Variants in ADAMTSL1 observed in about 807,000 individuals in gnomAD.
ADAMTSL1 encodes the protein ADAMTS like 1.
ADAMTSL1 carries 126 observed loss-of-function variants against 201.8 expected under a neutral mutation model. The observed-to-expected ratio is 0.62, with a 90% CI of 0.54 to 0.72. The LOEUF (loss-of-function observed/expected upper bound fraction) is 0.72. Ranked by LOEUF, ADAMTSL1 falls within the 30% of genes least tolerant of loss-of-function variation. The pLI, the probability that ADAMTSL1 is intolerant of heterozygous loss-of-function variation, is 0.00. For synonymous variants in ADAMTSL1, 1,121 were observed against 903.4 expected, an observed-to-expected ratio of 1.24 and a Z score of -4.32; for missense variants, 2,679 against 2,277.8, an observed-to-expected ratio of 1.18 and a Z score of -3.59.
At chr9:18,141,567 C>T (rs977391455) in intron 1 of ADAMTSL1, among the ~76,000 whole-genome samples, 2 of 152,186 alleles carry the variant, frequency 1.3e-5, no homozygotes, top group African/African-American at 4.8e-5. Context: ...GTCTAGCACC[C>T]TACCTGCACA....
In ADAMTSL1 at chr9:18,474,154, G is replaced by A; in HGVS notation, c.-79G>A. 2.3e-6 allele frequency: 3 copies of A among 1,305,104 alleles called. No homozygotes were observed. Among genetic ancestry groups the A allele is most frequent in the Non-Finnish European group, 3.3e-6 (3 of 915,546 alleles). The allele number at this position is 1,305,104 out of a possible 1,614,324, so 80.8% of individuals were successfully genotyped here. ...AGGCAGGACTGGAGTGTTAGCACCA[G>A]TACTGGATGTGACAGCAGGCAGAGG... On this transcript the variant is annotated 5_prime_UTR_variant, in exon 1 of 29. Coordinates refer to ENST00000380548, the MANE Select transcript of ADAMTSL1 (RefSeq NM_001040272.6).
intron 1 of ADAMTSL1, among the ~76,000 whole-genome samples, chr9:17,957,653 A>G (rs1827981849): frequency 6.6e-6 from 1 of 152,200 alleles, no homozygotes; most frequent in Non-Finnish European, 1.5e-5. Flanking sequence ...GAACCTCAGA[A>G]TGTGACCTTA....
chr9:18,180,823 G>A (rs144337551), intron 2 of ADAMTSL1, among the ~76,000 whole-genome samples: 3,450 of 152,134 alleles, frequency 0.023, 134 homozygotes, highest in African/African-American at 0.078. Flanking sequence ...AGCCCGCATC[G>A]CCAAGTCAAT....
intron 1 of ADAMTSL1, among the ~76,000 whole-genome samples, chr9:17,959,888 C>T (rs1817666902): frequency 6.6e-6 from 1 of 152,136 alleles, no homozygotes; most frequent in Admixed American, 6.6e-5. Flanking sequence ...GTTTTATGAC[C>T]TTCCAACAAT....
chr9:18,691,954 A>G (rs1286781944), intron 13 of ADAMTSL1, among the ~76,000 whole-genome samples: 3 of 152,182 alleles, frequency 2.0e-5, no homozygotes, highest in Non-Finnish European at 4.4e-5. Flanking sequence ...GATGTCTAAT[A>G]ACCACTTAAT....
chr9:18,193,744 C>T (rs918415760), intron 2 of ADAMTSL1, among the ~76,000 whole-genome samples: 3 of 152,086 alleles, frequency 2.0e-5, no homozygotes, highest in Non-Finnish European at 4.4e-5. Context: ...TCACTGGGTC[C>T]CTGTATGGAC....
At chr9:17,966,285 G>C (rs947279298) in intron 1 of ADAMTSL1, among the ~76,000 whole-genome samples, 14 of 152,094 alleles carry the variant, frequency 9.2e-5, no homozygotes, top group African/African-American at 3.1e-4. Flanking sequence ...TATAGAAAAG[G>C]TTTACTTGCT....
At chr9:18,529,763 A>G (rs1022286470) in intron 2 of ADAMTSL1, among the ~76,000 whole-genome samples, 22 of 152,262 alleles carry the variant, frequency 1.4e-4, no homozygotes, top group African/African-American at 5.1e-4. Flanking sequence ...TTAATATCAT[A>G]TTTCAGTCAA....
chr9:18,181,580 C>T (rs1828480449), intron 2 of ADAMTSL1, among the ~76,000 whole-genome samples: 1 of 152,116 alleles, frequency 6.6e-6, no homozygotes, highest in African/African-American at 2.4e-5. Context: ...ATCAAAACCA[C>T]AATGAGATAC....
chr9:18,865,390 A>G (rs966381938), intron 23 of ADAMTSL1, among the ~76,000 whole-genome samples: 1 of 152,122 alleles, frequency 6.6e-6, no homozygotes, highest in Admixed American at 6.5e-5. Flanking sequence ...TTATGGCTGC[A>G]TTGTATTCCA....
intron 1 of ADAMTSL1, among the ~76,000 whole-genome samples, chr9:18,101,477 A>G (rs1461232042): frequency 6.6e-6 from 1 of 151,842 alleles, no homozygotes; most frequent in African/African-American, 2.4e-5. Context: ...CAGCCTGGGC[A>G]ACAGGGTGAG....
chr9:18,505,394 G>A (rs1211651229), intron 2 of ADAMTSL1, among the ~76,000 whole-genome samples: 1 of 152,174 alleles, frequency 6.6e-6, no homozygotes, highest in Admixed American at 6.5e-5. Flanking sequence ...TATTTTTGTA[G>A]ATGTCCTAAT....
intron 5 of ADAMTSL1, among the ~76,000 whole-genome samples, chr9:18,634,711 G>T (rs35665436): frequency 6.6e-6 from 1 of 150,880 alleles, no homozygotes. Flanking sequence ...GATGGTGGGC[G>T]CCTATAATCC....
rs149946900 is a variant in ADAMTSL1 at position 18,229,175 on chromosome 9, G to T, written c.207+65194G>T. 1.4e-3 allele frequency among the ~76,000 whole-genome samples: 208 copies of T among 152,238 alleles called. 1 individual carries two copies. Among genetic ancestry groups the T allele is most frequent in the Non-Finnish European group, 1.7e-3 (116 of 68,004 alleles). On this transcript the variant is annotated intron_variant, in intron 2 of 29. Coordinates refer to the ADAMTSL1 transcript ENST00000680146. ...ATTTTAGGAGGAGGTGAGCAGCTCGGATCATCCCTGGATCACTGCACACCA... is the reference window on the plus strand; with the variant it reads ...ATTTTAGGAGGAGGTGAGCAGCTCGTATCATCCCTGGATCACTGCACACCA...
intron 2 of ADAMTSL1, among the ~76,000 whole-genome samples, chr9:18,402,660 A>G (rs1818028195): frequency 6.6e-6 from 1 of 152,124 alleles, no homozygotes; most frequent in Non-Finnish European, 1.5e-5. Flanking sequence ...TACATTAAAC[A>G]TGACATGCTC....
intron 2 of ADAMTSL1, among the ~76,000 whole-genome samples, chr9:18,402,159 A>G (rs952181421): frequency 2.6e-5 from 4 of 152,210 alleles, no homozygotes; most frequent in Non-Finnish European, 5.9e-5. Flanking sequence ...GTCTGAAATC[A>G]TACTTATTCC....
intron 1 of ADAMTSL1, among the ~76,000 whole-genome samples, chr9:17,914,022 A>G (rs1012153373): frequency 2.0e-4 from 31 of 152,340 alleles, no homozygotes; most frequent in Middle Eastern, 3.4e-3. Context: ...AATTGTGGCA[A>G]TAATCAATAG....
Position 18,887,996 on chromosome 9 carries a change from A to G in ADAMTSL1, c.4415A>G (p.Gln1472Arg), listed in dbSNP as rs192971740. Residue 1472 changes from glutamine to arginine, a missense_variant, in exon 24 of 29, where the codon CAG becomes CGG. Coordinates refer to ENST00000380548, the MANE Select transcript of ADAMTSL1 (RefSeq NM_001040272.6). ...CAAGGGGAATTCAGCTGCCTTGCTCAGAATGAGGCAGGGGTGCTCATGCAG... is the reference window on the plus strand; with the variant it reads ...CAAGGGGAATTCAGCTGCCTTGCTCGGAATGAGGCAGGGGTGCTCATGCAG... ...GSQGEFSCLA[Q>R]NEAGVLMQKA... 83 of 1,613,950 alleles carry G rather than the reference A, an allele frequency of 5.1e-5. No individual in the cohort carries two copies. The Admixed American group carries it at 1.4e-3, about 27-fold the overall frequency.
chr9:18,293,143 A>G (rs925404547), intron 2 of ADAMTSL1, among the ~76,000 whole-genome samples: 1 of 152,096 alleles, frequency 6.6e-6, no homozygotes, highest in Non-Finnish European at 1.5e-5. Context: ...TGTGTACCAC[A>G]TTTTCTTTAT....
Sources: allele counts gnomAD v4.1 joint callset (sites outside exome capture counted in the v4.1 genomes callset), GRCh38; gene constraint gnomAD v4.1.1; transcripts MANE v1.5; gene names NCBI Gene and HGNC (gene_info 2026-07-23, HGNC 2026-07-21).